ULK4: variants seen among roughly 807,000 people sequenced by gnomAD.
ULK4 encodes the protein inactive serine/threonine-protein kinase ULK4.
Under a neutral mutation model 160.6 loss-of-function variants are expected in ULK4, and 133 were observed. The observed-to-expected ratio is 0.83, with a 90% CI of 0.72 to 0.96. ULK4 has a LOEUF of 0.96. Among genes scored for constraint, ULK4 ranks in the 40% least tolerant of loss-of-function variants. ULK4 has a pLI of 0.00. For missense variants in ULK4, 1,580 were observed against 1,499.5 expected, an observed-to-expected ratio of 1.05 and a Z score of -0.89; for synonymous variants, 534 against 539.8, an observed-to-expected ratio of 0.99 and a Z score of 0.15.
intron 17 of ULK4, among the ~76,000 whole-genome samples, chr3:41,853,394 G>T (rs1160836412): frequency 6.6e-6 from 1 of 152,120 alleles, no homozygotes; most frequent in Non-Finnish European, 1.5e-5. Context: ...ATGGGGTACA[G>T]CCTGGGCATA....
intron 32 of ULK4, among the ~76,000 whole-genome samples, chr3:41,496,471 G>A (rs748029773): frequency 3.3e-5 from 5 of 152,054 alleles, no homozygotes; most frequent in Non-Finnish European, 7.3e-5. Flanking sequence ...GAATTTTCTA[G>A]ACTAAGGTAC....
intron 35 of ULK4, among the ~76,000 whole-genome samples, chr3:41,354,840 T>C (rs889213262): frequency 2.0e-5 from 3 of 152,224 alleles, no homozygotes; most frequent in South Asian, 2.1e-4. Context: ...TGTGCAGTCT[T>C]CTCCAGGTTG....
At chr3:41,506,775 T>TATATAAATATATATATATATAA (rs1559658140) in intron 32 of ULK4, among the ~76,000 whole-genome samples, 1 of 17,622 alleles carries the variant, frequency 5.7e-5, no homozygotes, top group African/African-American at 1.4e-4. Flanking sequence ...AAAATATATA[T>TATATAAATATATATATATATAA]ATATATATAT....
chr3:41,594,157 G>A (rs1465145974), intron 31 of ULK4, among the ~76,000 whole-genome samples: 3 of 152,116 alleles, frequency 2.0e-5, no homozygotes, highest in Non-Finnish European at 4.4e-5. Flanking sequence ...TTATTTCCTG[G>A]CATAGAACAT....
chr3:41,625,532 C>T (rs779700345), intron 30 of ULK4, among the ~76,000 whole-genome samples: 1 of 152,136 alleles, frequency 6.6e-6, no homozygotes, highest in Non-Finnish European at 1.5e-5. Context: ...CTCCGGTGCT[C>T]AGGCCTCGCA....
In ULK4 at chr3:41,529,500, G is replaced by T. The variant is rs537924378; in HGVS notation, c.3226+36525C>A. Among the ~76,000 whole-genome samples, 4 of 152,246 alleles carry T rather than the reference G, an allele frequency of 2.6e-5. No individual in the cohort carries two copies. The South Asian group carries it at 8.3e-4, about 32-fold the overall frequency. Reference sequence around the variant, plus strand: ...AGAGCTTCTTGAGTACTGATTTGTTGTTGAGGCAGGGTGTCATTCTGTCAC... The same window carrying T: ...AGAGCTTCTTGAGTACTGATTTGTTTTTGAGGCAGGGTGTCATTCTGTCAC... On this transcript the variant is annotated intron_variant, in intron 32 of 36. Coordinates refer to ENST00000301831, the MANE Select transcript of ULK4 (RefSeq NM_017886.4).
At chr3:41,750,817 C>T (rs1481754693) in intron 22 of ULK4, among the ~76,000 whole-genome samples, 1 of 151,772 alleles carries the variant, frequency 6.6e-6, no homozygotes, top group Non-Finnish European at 1.5e-5. Context: ...TAGTGAAACC[C>T]TGTCTCTACT....
intron 34 of ULK4, among the ~76,000 whole-genome samples, chr3:41,414,835 C>T (rs1019486196): frequency 6.6e-6 from 1 of 152,152 alleles, no homozygotes; most frequent in Non-Finnish European, 1.5e-5. Context: ...TGACACCGTC[C>T]CCTTTCTCTT....
In ULK4 at chr3:41,772,750, T is replaced by G. The variant is rs1169801092; in HGVS notation, c.2193+16911A>C. On this transcript the variant is annotated intron_variant, in intron 21 of 36. Coordinates refer to ENST00000301831, the MANE Select transcript of ULK4 (RefSeq NM_017886.4). ...CCAGCATCATCCTGATACCAAAGCCTGGCAGAGACACAACCAAAAAAGAGA... is the reference window on the plus strand; with the variant it reads ...CCAGCATCATCCTGATACCAAAGCCGGGCAGAGACACAACCAAAAAAGAGA... 8.5e-5 allele frequency among the ~76,000 whole-genome samples: 13 copies of G among 152,244 alleles called. No homozygotes were observed. In the East Asian group the frequency reaches 1.5e-3, roughly 18 times the overall value.
intron 22 of ULK4, among the ~76,000 whole-genome samples, chr3:41,723,651 T>C (rs989642211): frequency 2.6e-5 from 4 of 152,234 alleles, no homozygotes; most frequent in African/African-American, 9.6e-5. Context: ...CCAATATATG[T>C]AGGTAACTGC....
intron 19 of ULK4, among the ~76,000 whole-genome samples, chr3:41,802,653 T>C (rs2040496409): frequency 6.6e-6 from 1 of 152,102 alleles, no homozygotes. Flanking sequence ...CTTTATAACA[T>C]ATGTAGACAT....
At chr3:41,498,659 G>A (rs776593725) in intron 32 of ULK4, among the ~76,000 whole-genome samples, 5 of 151,096 alleles carry the variant, frequency 3.3e-5, no homozygotes, top group Non-Finnish European at 7.4e-5. Context: ...GCAGTGGCAC[G>A]ATCTCAGCCC....
At chr3:41,745,045 G>T (rs1365616069) in intron 22 of ULK4, among the ~76,000 whole-genome samples, 5 of 151,436 alleles carry the variant, frequency 3.3e-5, no homozygotes, top group Admixed American at 2.0e-4. Flanking sequence ...CCAAATCTAT[G>T]CAAATGCTAC....
chr3:41,912,848 A>G lies in ULK4; in HGVS notation c.855T>C (p.Ala285=), dbSNP rs1270419315. 1 of 1,614,176 alleles carries G rather than the reference A, an allele frequency of 6.2e-7. No individual in the cohort carries two copies. The highest frequency in any genetic ancestry group is 2.2e-5 in the East Asian group (1 of 44,862). The part of the protein sequence containing the change: ...LQHSFWKKAF[A]GADQESSVED... ...CGACGCTTGATTCCTGATCTGCTCC[A>G]GCAAAAGCTTTCTTCCAAAATGAAT... The change falls in exon 9 of 37, where the codon GCT becomes GCC. Residue 285 remains alanine, a synonymous_variant. Coordinates refer to ENST00000301831, the MANE Select transcript of ULK4 (RefSeq NM_017886.4).
At chr3:41,667,665 G>C (rs1488600587) in intron 29 of ULK4, among the ~76,000 whole-genome samples, 2 of 152,172 alleles carry the variant, frequency 1.3e-5, no homozygotes, top group African/African-American at 4.8e-5. Context: ...CAGAGACTAA[G>C]ATCACTGTTG....
intron 35 of ULK4, among the ~76,000 whole-genome samples, chr3:41,382,586 G>C (rs1215431435): frequency 2.6e-5 from 4 of 151,980 alleles, no homozygotes; most frequent in African/African-American, 9.7e-5. Context: ...AGAAACTCCT[G>C]TGTTATAAAA....
At chr3:41,936,562 T>C (rs1699781116) in intron 3 of ULK4, among the ~76,000 whole-genome samples, 1 of 152,136 alleles carries the variant, frequency 6.6e-6, no homozygotes, top group Non-Finnish European at 1.5e-5. Flanking sequence ...ATGATACATA[T>C]ACACAATGGA....
At chr3:41,419,872 G>C (rs2082620145) in intron 34 of ULK4, among the ~76,000 whole-genome samples, 3 of 151,788 alleles carry the variant, frequency 2.0e-5, no homozygotes, top group Non-Finnish European at 4.4e-5. Flanking sequence ...GTGCTGCGGG[G>C]TTTCTGTGGG....
In ULK4 at chr3:41,688,871, A is replaced by G. The variant is rs1422290353; in HGVS notation, c.2782-7067T>C. Among the ~76,000 whole-genome samples, 8 of 152,188 alleles carry G rather than the reference A, an allele frequency of 5.3e-5. No individual in the cohort carries two copies. The East Asian group carries it at 1.5e-3, about 29-fold the overall frequency. ...TGAATATACTGGTGGTAGCCAGACT[A>G]TATAAGACAATAGAACTCTAACCCA... On this transcript the variant is annotated intron_variant, in intron 27 of 36. Coordinates refer to ENST00000301831, the MANE Select transcript of ULK4 (RefSeq NM_017886.4).
Sources: gnomAD v4.1 joint callset for allele counts (sites outside exome capture counted in the v4.1 genomes callset) on GRCh38, gnomAD v4.1.1 for gene constraint, MANE v1.5 for transcripts, NCBI Gene and HGNC (gene_info 2026-07-23, HGNC 2026-07-21) for gene names.